The following LONRF2 variants were observed in gnomAD, a reference collection of about 807,000 sequenced individuals.
LONRF2 encodes LON peptidase N-terminal domain and RING finger protein 2.
In LONRF2, 35 loss-of-function variants were observed where a neutral mutation model predicts 66.6. That is an observed-to-expected ratio of 0.53 (90% CI 0.40 to 0.70). The LOEUF (loss-of-function observed/expected upper bound fraction) is 0.70, where lower values mean the gene tolerates loss of function less well. Ranked by LOEUF, LONRF2 falls within the 30% of genes least tolerant of loss-of-function variation. The pLI is 0.00. For synonymous variants in LONRF2, 417 were observed against 418.1 expected, an observed-to-expected ratio of 1.00 and a Z score of 0.03; for missense variants, 902 against 1,002.1, an observed-to-expected ratio of 0.90 and a Z score of 1.35.
rs975275076 is a variant in LONRF2, at chr2:100,276,623, C to G, written c.*7675G>C. 1 of 152,122 alleles carries G rather than the reference C, an allele frequency of 6.6e-6. No homozygotes were observed. Among genetic ancestry groups the G allele is most frequent in the African/African-American group, 2.4e-5 (1 of 41,418 alleles). The allele number at this position is 152,122 out of a possible 1,614,324, so 9.4% of individuals were successfully genotyped here. A position where few individuals can be genotyped will look rare whatever the true frequency, so the allele number is the denominator to read the frequency against. ...TTGTTTCTCCATTGAACAGCCCAAT[C>G]TTTCCTATCCTTAAACCTGGAAAAA... On this transcript the variant is annotated 3_prime_UTR_variant, in exon 12 of 12. Coordinates refer to ENST00000393437, the MANE Select transcript of LONRF2 (RefSeq NM_198461.4).
intron 1 of LONRF2, among the ~76,000 whole-genome samples, chr2:100,314,511 A>G (rs1042886040): frequency 6.6e-6 from 1 of 152,078 alleles, no homozygotes; most frequent in Admixed American, 6.6e-5. Context: ...GGCATTATTT[A>G]TTCTGCATTA....
rs1192800117 is a variant in LONRF2 at position 100,322,238 on chromosome 2, T to C, written c.-145A>G. The C allele has an allele frequency of 4.9e-6, 4 of 812,602 alleles. No homozygotes were observed. The African/African-American group carries it at 5.5e-5, about 11-fold the overall frequency. 50.3% of individuals were successfully genotyped at this position (812,602 alleles called of 1,614,324 possible). ...CTGGGGGCGGCGCGCTGCGAGCGGC[T>C]GAGACCGCGGGCGGGGGCGGGCGCC... is the stretch of plus-strand genomic sequence containing the variant. On this transcript the variant is annotated 5_prime_UTR_variant, in exon 1 of 12. Coordinates refer to ENST00000393437, the MANE Select transcript of LONRF2 (RefSeq NM_198461.4).
rs992335086 is a variant in LONRF2 at position 100,283,001 on chromosome 2, G to C, written c.*1297C>G. ...ACCTTCAATGAACAAAGCAAAACTT[G>C]CAGCTGTGATGTGGTCGTGACCCTC... On this transcript the variant is annotated 3_prime_UTR_variant, in exon 12 of 12. Coordinates refer to ENST00000393437, the MANE Select transcript of LONRF2 (RefSeq NM_198461.4). 2.6e-5 allele frequency: 4 copies of C among 152,144 alleles called. No individual in the cohort carries two copies. The highest frequency in any genetic ancestry group is 9.7e-5 in the African/African-American group (4 of 41,422). 9.4% of individuals were successfully genotyped at this position (152,144 alleles called of 1,614,324 possible).
chr2:100,297,327 C>T (rs1475603857), intron 7 of LONRF2, among the ~76,000 whole-genome samples: 4 of 151,654 alleles, frequency 2.6e-5, no homozygotes, highest in Admixed American at 6.6e-5. Flanking sequence ...TTAGTAGAGA[C>T]GGGGTTTCAC....
chr2:100,317,814 T>A (rs1486056158), intron 1 of LONRF2, among the ~76,000 whole-genome samples: 1 of 152,182 alleles, frequency 6.6e-6, no homozygotes, highest in Non-Finnish European at 1.5e-5. Context: ...AAAAGTCAAC[T>A]GTCAGTCTTC....
At chr2:100,306,528 A>T (rs1675294309) in intron 2 of LONRF2, among the ~76,000 whole-genome samples, 3 of 152,206 alleles carry the variant, frequency 2.0e-5, no homozygotes, top group Admixed American at 2.0e-4. Context: ...CAAACTAATC[A>T]TGTGCCTATA....
chr2:100,296,917 C>T (rs1675079501), intron 7 of LONRF2, among the ~76,000 whole-genome samples: 1 of 152,158 alleles, frequency 6.6e-6, no homozygotes, highest in African/African-American at 2.4e-5. Context: ...GTGACTCCCG[C>T]ATTGAAGAAA....
At chr2:100,299,048 T>G (rs1422425804) in intron 6 of LONRF2, 98 bp from the exon 7 acceptor site, 32 of 1,013,352 alleles carry the variant, frequency 3.2e-5, no homozygotes, top group Non-Finnish European at 4.8e-5. Flanking sequence ...CCCCTTTCTG[T>G]TCTAGAAATC....
chr2:100,304,790 ATTTTT>A (rs3039614), intron 2 of LONRF2, among the ~76,000 whole-genome samples: 1 of 113,228 alleles, frequency 8.8e-6, no homozygotes, highest in Admixed American at 9.9e-5. Context: ...TGCCTGGCTA[ATTTTT>A]TTTTTTTTTT....
rs1553540616 is a variant in LONRF2 at position 100,300,020 on chromosome 2, G to GC, written c.1066-103_1066-102insG. On this transcript the variant is annotated intron_variant, in intron 4 of 11. Coordinates refer to ENST00000393437, the MANE Select transcript of LONRF2 (RefSeq NM_198461.4). Reference sequence around the variant, plus strand: ...TACTAGAAATCTTTGGAAAAAAAAAGGGGGGGGCATACACTCTTCTTCATA... The same window carrying GC: ...TACTAGAAATCTTTGGAAAAAAAAAGCGGGGGGGCATACACTCTTCTTCATA... 1.9e-5 allele frequency: 9 copies of GC among 461,938 alleles called. 2 individuals carry two copies. The highest frequency in any genetic ancestry group is 8.8e-5 in the Admixed American group (2 of 22,664). The allele number at this position is 461,938 out of a possible 1,614,324, so 28.6% of individuals were successfully genotyped here.
rs1674513281 is a variant in LONRF2, at chr2:100,272,213, T to C, written c.*12085A>G. Among the ~76,000 whole-genome samples the C allele has an allele frequency of 1.3e-5, 2 of 152,190 alleles. No individual in the cohort carries two copies. The highest frequency in any genetic ancestry group is 2.9e-5 in the Non-Finnish European group (2 of 68,038). The stretch of plus-strand genomic sequence containing the variant: ...AGAAGAAAAAGATGATCAAAGAGTA[T>C]GCAGGGTTAGGTGCAGTGGCTTATG... On this transcript the variant is annotated 3_prime_UTR_variant, in exon 12 of 12. Coordinates refer to ENST00000393437, the MANE Select transcript of LONRF2 (RefSeq NM_198461.4).
intron 1 of LONRF2, among the ~76,000 whole-genome samples, chr2:100,311,199 A>G (rs1448540295): frequency 6.6e-6 from 1 of 152,162 alleles, no homozygotes; most frequent in East Asian, 1.9e-4. Flanking sequence ...ATTTCCAACT[A>G]AAAGATTGGT....
In LONRF2 at chr2:100,313,654, A is replaced by G. The variant is rs76373678; in HGVS notation, c.680-4429T>C. On this transcript the variant is annotated intron_variant, in intron 1 of 11. Coordinates refer to ENST00000393437, the MANE Select transcript of LONRF2 (RefSeq NM_198461.4). Reference sequence around the variant, plus strand: ...AGTCAAGTCCACAAATCTTAGGTGTATATCTCAACCTTTGCATGTGTACCC... The same window carrying G: ...AGTCAAGTCCACAAATCTTAGGTGTGTATCTCAACCTTTGCATGTGTACCC... Among the ~76,000 whole-genome samples the G allele has an allele frequency of 3.8e-3, 579 of 152,288 alleles. 4 individuals are homozygous for G. The highest frequency in any genetic ancestry group is 0.013 in the African/African-American group (552 of 41,568).
rs1674782808 is a variant in LONRF2 at position 100,283,582 on chromosome 2, T to TAC, written c.*715_*716insGT. The TAC allele has an allele frequency of 6.6e-6, 1 of 151,814 alleles. No individual in the cohort carries two copies. The highest frequency in any genetic ancestry group is 2.1e-4 in the South Asian group (1 of 4,796). The allele number at this position is 151,814 out of a possible 1,614,324, so 9.4% of individuals were successfully genotyped here. A position where few individuals can be genotyped will look rare whatever the true frequency, so the allele number is the denominator to read the frequency against. On this transcript the variant is annotated 3_prime_UTR_variant, in exon 12 of 12. Coordinates refer to ENST00000393437, the MANE Select transcript of LONRF2 (RefSeq NM_198461.4). ...ACTCACTTTATTGTGTGTAAATATA[T>TAC]ATATATATATCCTCAAGTGAATGAT...
At chr2:100,294,088 TG>T in intron 9 of LONRF2, 140 bp downstream of exon 9, 1 of 882,164 alleles carries the variant, frequency 1.1e-6, no homozygotes, top group Non-Finnish European at 1.7e-6. Context: ...GACTGCATTG[TG>T]GGCAGCCTTG....
chr2:100,317,862 A>G (rs1036928248), intron 1 of LONRF2, among the ~76,000 whole-genome samples: 1 of 152,110 alleles, frequency 6.6e-6, no homozygotes, highest in Non-Finnish European at 1.5e-5. Flanking sequence ...TGTCTTCTCT[A>G]AATGCATTTA....
At chr2:100,295,307 T>C in intron 8 of LONRF2, 125 bp downstream of exon 8, 1 of 786,658 alleles carries the variant, frequency 1.3e-6, no homozygotes, top group South Asian at 3.2e-5. Context: ...ATTTTGCAAT[T>C]AACATCCTTT....
At chr2:100,317,372 G>A (rs1443000069) in intron 1 of LONRF2, among the ~76,000 whole-genome samples, 1 of 151,800 alleles carries the variant, frequency 6.6e-6, no homozygotes, top group African/African-American at 2.4e-5. Context: ...CTTTAAATTG[G>A]TACTGTTACT....
intron 1 of LONRF2, among the ~76,000 whole-genome samples, chr2:100,312,827 C>G (rs537713727): frequency 6.6e-6 from 1 of 152,292 alleles, no homozygotes. Flanking sequence ...ACCTTAGGCT[C>G]AACAAAACTA....
Sources: allele counts gnomAD v4.1 joint callset (sites outside exome capture counted in the v4.1 genomes callset), GRCh38; gene constraint gnomAD v4.1.1; transcripts MANE v1.5; gene names NCBI Gene and HGNC (gene_info 2026-07-23, HGNC 2026-07-21).